The following SH2D4B variants were observed in gnomAD, a reference collection of about 807,000 sequenced individuals.
The protein encoded by SH2D4B is SH2 domain-containing protein 4B.
In SH2D4B, 45 loss-of-function variants were observed where a neutral mutation model predicts 61.5. The observed-to-expected ratio is 0.73, with a 90% CI of 0.58 to 0.94. SH2D4B has a LOEUF of 0.94. SH2D4B is among the 40% of genes least tolerant of loss of function. The pLI is 0.00. For missense variants in SH2D4B, 572 were observed against 574.2 expected (o/e 1.00, Z 0.04); for synonymous variants, 224 against 220.4 (o/e 1.02, Z -0.14).
At chr10:80,604,983 T>C (rs916612220) in intron 5 of SH2D4B, among the ~76,000 whole-genome samples, 9 of 152,036 alleles carry the variant, frequency 5.9e-5, no homozygotes, top group Non-Finnish European at 1.2e-4. Flanking sequence ...TTAGTAGAGA[T>C]GGGGTTTCAC....
intron 1 of SH2D4B, among the ~76,000 whole-genome samples, chr10:80,558,042 C>A (rs1040226047): frequency 1.3e-5 from 2 of 151,896 alleles, no homozygotes; most frequent in East Asian, 3.8e-4. Context: ...TAAAATATTT[C>A]TTCAATTAAA....
intron 7 of SH2D4B, among the ~76,000 whole-genome samples, chr10:80,635,794 A>G (rs1840155063): frequency 6.6e-6 from 1 of 151,942 alleles, no homozygotes; most frequent in Admixed American, 6.6e-5. Context: ...TTATTTATTT[A>G]TTTTGTTCAT....
chr10:80,626,015 T>C (rs533952338), intron 6 of SH2D4B, among the ~76,000 whole-genome samples: 6 of 152,342 alleles, frequency 3.9e-5, no homozygotes, highest in Non-Finnish European at 8.8e-5. Context: ...AGATATTGTC[T>C]AGTATTATAG....
chr10:80,618,306 G>T (rs181503790), intron 6 of SH2D4B, among the ~76,000 whole-genome samples: 3 of 152,266 alleles, frequency 2.0e-5, no homozygotes, highest in Non-Finnish European at 4.4e-5. Context: ...CATTTTACTG[G>T]GTGATACCAC....
intron 1 of SH2D4B, among the ~76,000 whole-genome samples, chr10:80,558,386 T>G (rs528169955): frequency 9.2e-5 from 14 of 152,358 alleles, no homozygotes; most frequent in African/African-American, 2.6e-4. Flanking sequence ...ATAGCTTAAT[T>G]TTTCCTACTT....
chr10:80,567,312 G>A (rs564937888), intron 1 of SH2D4B, among the ~76,000 whole-genome samples: 4 of 152,316 alleles, frequency 2.6e-5, no homozygotes, highest in African/African-American at 9.6e-5. Context: ...GTCATCTGTG[G>A]GCTGAGGAAG....
intron 6 of SH2D4B, among the ~76,000 whole-genome samples, chr10:80,621,513 A>T (rs997769864): frequency 6.6e-6 from 1 of 152,230 alleles, no homozygotes; most frequent in Non-Finnish European, 1.5e-5. Flanking sequence ...GTCTCAGTTT[A>T]ACTGTGATTT....
chr10:80,583,813 C>T lies in SH2D4B; in HGVS notation c.496-4817C>T, dbSNP rs144089549. Reference sequence around the variant, plus strand: ...AAGAGAAGAAATTATCAAAGAAATGCTAAGCAAAGATGTATTAGACTGGAA... The same window carrying T: ...AAGAGAAGAAATTATCAAAGAAATGTTAAGCAAAGATGTATTAGACTGGAA... On this transcript the variant is annotated intron_variant, in intron 3 of 7. Transcript: ENST00000646907. 3.2e-3 allele frequency among the ~76,000 whole-genome samples: 492 copies of T among 152,220 alleles called. 1 individual carries two copies. Among genetic ancestry groups the T allele is most frequent in the African/African-American group, 0.011 (477 of 41,534 alleles).
chr10:80,543,288 C>T (rs911167781), intron 1 of SH2D4B, among the ~76,000 whole-genome samples: 3 of 152,184 alleles, frequency 2.0e-5, no homozygotes, highest in South Asian at 2.1e-4. Flanking sequence ...CAGCGGGAAC[C>T]GGGGCCAGCG....
At chr10:80,570,381 G>T in intron 2 of SH2D4B, 65 bp downstream of exon 2, 1 of 1,549,314 alleles carries the variant, frequency 6.5e-7, no homozygotes, top group South Asian at 1.2e-5. Context: ...CCCCACGCAC[G>T]GCTAATTTTT....
rs779236730 is a variant in SH2D4B at position 80,588,795 on chromosome 10, C to A, written c.643+18C>A. ...AGAACAGTGTGAGTAGAGCTTGTGC[C>A]TCAGGCAGGGAGACCAGTCCCGCCT... On this transcript the variant is annotated intron_variant, in intron 4 of 7. Transcript: ENST00000646907. The A allele has an allele frequency of 6.2e-7, 1 of 1,613,342 alleles. No individual in the cohort carries two copies. The highest frequency in any genetic ancestry group is 8.5e-7 in the Non-Finnish European group (1 of 1,179,838).
chr10:80,644,028 T>C lies in SH2D4B; in HGVS notation c.1245T>C (p.Leu415=). The change falls in exon 8 of 8, where the codon CTT becomes CTC. Residue 415 remains leucine, a synonymous_variant. Coordinates refer to ENST00000646907, the MANE Select transcript of SH2D4B (RefSeq NM_001388272.1). ...TCACTGTTTCAGGAGGAGAGTTACT[T>C]CAGGAACCCTGCGGACAGAGGGACA... The part of the protein sequence containing the change: ...EIITVSGGEL[L]QEPCGQRDSP... 6.2e-7 allele frequency: 1 copy of C among 1,614,000 alleles called. No homozygotes were observed. Among genetic ancestry groups the C allele is most frequent in the Non-Finnish European group, 8.5e-7 (1 of 1,179,946 alleles).
chr10:80,631,060 C>T (rs949228282), intron 6 of SH2D4B, among the ~76,000 whole-genome samples: 6 of 152,326 alleles, frequency 3.9e-5, no homozygotes, highest in Non-Finnish European at 8.8e-5. Context: ...AAAGAGACCC[C>T]TTGCACATTC....
At chr10:80,550,629 C>T (rs1349529558) in intron 1 of SH2D4B, among the ~76,000 whole-genome samples, 2 of 152,012 alleles carry the variant, frequency 1.3e-5, no homozygotes, top group Non-Finnish European at 2.9e-5. Context: ...TATTTTATGT[C>T]CTACTAAGAA....
At chr10:80,583,343 C>T (rs7081238) in intron 3 of SH2D4B, among the ~76,000 whole-genome samples, 1,756 of 152,058 alleles carry the variant, frequency 0.012, 30 homozygotes, top group African/African-American at 0.037. Context: ...AAGATAAAGT[C>T]GATGAAATCA....
chr10:80,556,621 C>T (rs946557833), intron 1 of SH2D4B, among the ~76,000 whole-genome samples: 4 of 152,128 alleles, frequency 2.6e-5, no homozygotes, highest in African/African-American at 9.7e-5. Context: ...TTAGATCACA[C>T]ATTTTGTTAA....
chr10:80,609,941 C>G (rs923925662), intron 6 of SH2D4B, among the ~76,000 whole-genome samples: 4 of 152,174 alleles, frequency 2.6e-5, no homozygotes, highest in Non-Finnish European at 5.9e-5. Flanking sequence ...TGGGTACATA[C>G]TTGTTGATTA....
At chr10:80,608,548 G>A (rs1489569589) in intron 5 of SH2D4B, among the ~76,000 whole-genome samples, 1 of 152,162 alleles carries the variant, frequency 6.6e-6, no homozygotes, top group African/African-American at 2.4e-5. Context: ...GTGCAGGGGG[G>A]TCTCATGTGT....
rs576826104 is a variant in SH2D4B at position 80,634,085 on chromosome 10, C to T, written c.989-200C>T. Among the ~76,000 whole-genome samples the T allele has an allele frequency of 4.4e-3, 667 of 152,254 alleles. 1 individual carries two copies. Among genetic ancestry groups the T allele is most frequent in the Non-Finnish European group, 6.9e-3 (470 of 68,008 alleles). On this transcript the variant is annotated intron_variant, in intron 6 of 7. Coordinates refer to ENST00000646907, the MANE Select transcript of SH2D4B (RefSeq NM_001388272.1). ...CTGCCCCCAGGCTCACGGCGGGTGG[C>T]GCTGGGCCAAGATGCCCTCTCTGTG...
Sources: allele counts gnomAD v4.1 joint callset (sites outside exome capture counted in the v4.1 genomes callset), GRCh38; gene constraint gnomAD v4.1.1; transcripts MANE v1.5; gene names NCBI Gene and HGNC (gene_info 2026-07-23, HGNC 2026-07-21).